FRMD4B: variants seen among roughly 807,000 people sequenced by gnomAD.
The protein encoded by FRMD4B is FERM domain containing 4B, also known as FERM domain-containing protein 4B.
FRMD4B carries 74 observed loss-of-function variants against 141.5 expected under a neutral mutation model. The observed-to-expected ratio is 0.52, with a 90% CI of 0.43 to 0.63. FRMD4B has a LOEUF of 0.63. Ranked by LOEUF, FRMD4B falls within the 30% of genes least tolerant of loss-of-function variation. The pLI, the probability that FRMD4B is intolerant of heterozygous loss-of-function variation, is 0.00. For missense variants in FRMD4B, 1,366 were observed against 1,253.4 expected, an observed-to-expected ratio of 1.09 and a Z score of -1.36; for synonymous variants, 506 against 467.9, an observed-to-expected ratio of 1.08 and a Z score of -1.05.
At chr3:69,449,895 A>T (rs1296015157) in intron 1 of FRMD4B, among the ~76,000 whole-genome samples, 1 of 152,216 alleles carries the variant, frequency 6.6e-6, no homozygotes, top group Non-Finnish European at 1.5e-5. Context: ...GGGCACTATG[A>T]TACAGAAACT....
chr3:69,493,835 T>C (rs920671173), intron 1 of FRMD4B, among the ~76,000 whole-genome samples: 4 of 152,028 alleles, frequency 2.6e-5, no homozygotes, highest in Non-Finnish European at 4.4e-5. Flanking sequence ...AAGGAAGGAG[T>C]ATGATACGTT....
intron 11 of FRMD4B, among the ~76,000 whole-genome samples, chr3:69,213,182 T>C (rs997134009): frequency 2.0e-5 from 3 of 152,214 alleles, no homozygotes; most frequent in Admixed American, 1.3e-4. Context: ...TAGATTTCTC[T>C]GTCTTTGTAA....
In FRMD4B at chr3:69,177,210, A is replaced by G. The variant is rs148338114; in HGVS notation, c.2852-554T>C. 2.2e-3 allele frequency among the ~76,000 whole-genome samples: 342 copies of G among 152,252 alleles called. 2 individuals are homozygous for G. The highest frequency in any genetic ancestry group is 7.8e-3 in the African/African-American group (324 of 41,552). On this transcript the variant is annotated intron_variant, in intron 21 of 22. Transcript: ENST00000398540. ...AAAAATTAGCTGGGCATGGTGGCGC[A>G]TGCCTATAATCCCAGCCACTCAGGA...
intron 1 of FRMD4B, among the ~76,000 whole-genome samples, chr3:69,471,092 C>T (rs1705881557): frequency 6.6e-6 from 1 of 152,146 alleles, no homozygotes; most frequent in Admixed American, 6.5e-5. Flanking sequence ...CCAAACTTCT[C>T]ATATGTTAAG....
At chr3:69,303,119 A>AT (rs2107172585) in intron 3 of FRMD4B, among the ~76,000 whole-genome samples, 1 of 111,122 alleles carries the variant, frequency 9.0e-6, no homozygotes, top group South Asian at 2.9e-4. Context: ...AAACAAACAA[A>AT]CAAAAAAAAC....
At chr3:69,233,385 G>T (rs2093323952) in intron 7 of FRMD4B, among the ~76,000 whole-genome samples, 1 of 151,562 alleles carries the variant, frequency 6.6e-6, no homozygotes, top group Non-Finnish European at 1.5e-5. Flanking sequence ...TTGGAAGGAT[G>T]AGTTGGGAGA....
intron 1 of FRMD4B, among the ~76,000 whole-genome samples, chr3:69,483,181 G>A (rs1437439917): frequency 6.6e-6 from 1 of 152,212 alleles, no homozygotes; most frequent in Non-Finnish European, 1.5e-5. Flanking sequence ...TACTAAGTAT[G>A]TATGTTTCTA....
At chr3:69,292,810 TC>T (rs1284685811) in intron 4 of FRMD4B, among the ~76,000 whole-genome samples, 1 of 129,082 alleles carries the variant, frequency 7.7e-6, no homozygotes, top group Non-Finnish European at 1.6e-5. Flanking sequence ...GACCTTTTTT[TC>T]AGCCTTTTTT....
rs138419152 is a variant in FRMD4B, at chr3:69,375,613, T to C, written c.162+10215A>G. Among the ~76,000 whole-genome samples, 1,117 of 151,668 alleles carry C rather than the reference T, an allele frequency of 7.4e-3. 18 individuals carry two copies. The highest frequency in any genetic ancestry group is 0.025 in the African/African-American group (1,026 of 41,352). On this transcript the variant is annotated intron_variant, in intron 1 of 22. Transcript: ENST00000398540. ...ATGTTTCCATCCAATATTTTTTGAG[T>C]GAATGAACAAATGAACAAATGAAAA...
At chr3:69,174,863 A>G (rs2107566486) in intron 22 of FRMD4B, among the ~76,000 whole-genome samples, 1 of 152,364 alleles carries the variant, frequency 6.6e-6, no homozygotes, top group East Asian at 1.9e-4. Context: ...GGTTAGAAGT[A>G]AACTGAAAAG....
chr3:69,466,124 C>T (rs1705782944), intron 1 of FRMD4B, among the ~76,000 whole-genome samples: 1 of 151,990 alleles, frequency 6.6e-6, no homozygotes, highest in Non-Finnish European at 1.5e-5. Context: ...TTTTGATTTG[C>T]ATTTCTCTAA....
chr3:69,276,144 G>C (rs2093616918), intron 5 of FRMD4B, among the ~76,000 whole-genome samples: 1 of 152,044 alleles, frequency 6.6e-6, no homozygotes, highest in Non-Finnish European at 1.5e-5. Context: ...GTATATTTGG[G>C]CAGTTTCCAG....
intron 5 of FRMD4B, among the ~76,000 whole-genome samples, chr3:69,275,225 G>A (rs1235351863): frequency 1.3e-5 from 2 of 152,012 alleles, no homozygotes; most frequent in African/African-American, 2.4e-5. Flanking sequence ...TGTTGTACTT[G>A]TATGCATTTT....
intron 2 of FRMD4B, among the ~76,000 whole-genome samples, chr3:69,415,259 T>A (rs148654635): frequency 1.1e-3 from 166 of 152,252 alleles, no homozygotes; most frequent in African/African-American, 3.9e-3. Context: ...TATGAGTGAA[T>A]CCATCAAATG....
intron 5 of FRMD4B, among the ~76,000 whole-genome samples, chr3:69,256,696 A>T (rs1424978407): frequency 6.6e-6 from 1 of 152,144 alleles, no homozygotes; most frequent in Non-Finnish European, 1.5e-5. Context: ...CTACCCTACA[A>T]GGCAATTATT....
chr3:69,366,391 A>G (rs1444374677), intron 1 of FRMD4B, among the ~76,000 whole-genome samples: 1 of 152,248 alleles, frequency 6.6e-6, no homozygotes, highest in East Asian at 1.9e-4. Flanking sequence ...CTTATTAAAA[A>G]TAATGACATA....
At chr3:69,296,208 C>T (rs1255200510) in intron 4 of FRMD4B, among the ~76,000 whole-genome samples, 2 of 152,130 alleles carry the variant, frequency 1.3e-5, no homozygotes, top group African/African-American at 4.8e-5. Flanking sequence ...CGCACACATC[C>T]TTTAAGCATT....
rs752850260 is a variant in FRMD4B, at chr3:69,196,184, G to T, written c.1234+71C>A. On this transcript the variant is annotated intron_variant, in intron 14 of 22. Coordinates refer to ENST00000398540, the MANE Select transcript of FRMD4B (RefSeq NM_015123.3). ...AATAATGGATTAAAAGATGAATTTC[G>T]AAGTGGTTTATGACCGAAAAAACAA... The T allele has an allele frequency of 3.5e-6, 4 of 1,150,968 alleles. No individual in the cohort carries two copies. In the South Asian group the frequency reaches 4.8e-5, roughly 14 times the overall value. 71.3% of individuals were successfully genotyped at this position (1,150,968 alleles called of 1,614,324 possible). A position where few individuals can be genotyped will look rare whatever the true frequency, so the allele number is the denominator to read the frequency against.
At chr3:69,407,210 C>G (rs1704663700) in intron 2 of FRMD4B, among the ~76,000 whole-genome samples, 2 of 152,114 alleles carry the variant, frequency 1.3e-5, no homozygotes, top group African/African-American at 4.8e-5. Flanking sequence ...CTATATACAT[C>G]TTTTACTGAA....
Sources: gnomAD v4.1 joint callset for allele counts (sites outside exome capture counted in the v4.1 genomes callset) on GRCh38, gnomAD v4.1.1 for gene constraint, MANE v1.5 for transcripts, NCBI Gene and HGNC (gene_info 2026-07-23, HGNC 2026-07-21) for gene names.